GRAMD1A: variants seen among roughly 807,000 people sequenced by gnomAD.
The protein encoded by GRAMD1A is GRAM domain containing 1A.
GRAMD1A carries 50 observed loss-of-function variants against 92.0 expected under a neutral mutation model. The ratio of observed to expected loss-of-function variants is 0.54; its 90% CI spans 0.43 to 0.69. GRAMD1A has a LOEUF of 0.69. Among genes scored for constraint, GRAMD1A ranks in the 30% least tolerant of loss-of-function variants. The pLI, the probability that GRAMD1A is intolerant of heterozygous loss-of-function variation, is 0.00. For missense variants in GRAMD1A, 819 were observed against 978.9 expected, an observed-to-expected ratio of 0.84 and a Z score of 2.18; for synonymous variants, 405 against 403.6, an observed-to-expected ratio of 1.00 and a Z score of -0.04.
At chr19:35,020,218 C>A (rs556462077) in intron 13 of GRAMD1A, among the ~76,000 whole-genome samples, 1 of 152,072 alleles carries the variant, frequency 6.6e-6, no homozygotes, top group Admixed American at 6.6e-5. Context: ...GTACGGAAGC[C>A]CTGTCTCTAC....
At position 35,019,295 on chromosome 19, in the gene GRAMD1A, G is replaced by A. The variant is rs1298168550; in HGVS notation, c.1318G>A (p.Val440Met). Residue 440 changes from valine to methionine, a missense_variant, in exon 12 of 20, where the codon GTG becomes ATG. Transcript: ENST00000317991. ...SNPLGPKSAS[V>M]VETQTLFRRG... ...CCCACTGGGCCCCAAGAGCGCCTCC[G>A]TGGTGGAGACACAGGTGGGCCAGGT... 2.5e-6 allele frequency: 4 copies of A among 1,613,156 alleles called. No homozygotes were observed. Among genetic ancestry groups the A allele is most frequent in the Non-Finnish European group, 2.5e-6 (3 of 1,179,418 alleles).
intron 1 of GRAMD1A, among the ~76,000 whole-genome samples, chr19:35,001,605 T>C (rs1156481509): frequency 1.3e-5 from 2 of 151,794 alleles, no homozygotes; most frequent in Non-Finnish European, 1.5e-5. Flanking sequence ...TGAAACGCTC[T>C]TCTTTTTTTT....
At chr19:34,997,443 C>T (rs1047693543), upstream of GRAMD1A, among the ~76,000 whole-genome samples, 5 of 129,792 alleles carry the variant, frequency 3.9e-5, no homozygotes, top group African/African-American at 1.4e-4. Context: ...AAAGTTTAAA[C>T]AAAACTTCTG....
intron 11 of GRAMD1A, among the ~76,000 whole-genome samples, chr19:35,017,103 A>T (rs1441481293): frequency 1.3e-5 from 2 of 151,686 alleles, no homozygotes; most frequent in African/African-American, 4.8e-5. Context: ...TGAACCCAGG[A>T]GGTGGAGGTT....
intron 7 of GRAMD1A, chr19:35,012,962 C>CAG: frequency 2.9e-6 from 1 of 346,468 alleles, no homozygotes; most frequent in South Asian, 4.0e-5. Flanking sequence ...GCGACAGAGC[C>CAG]AGACTCCATC....
In GRAMD1A at chr19:35,014,273, A is replaced by C. The variant is rs1242652835; in HGVS notation, c.955A>C (p.Ser319Arg). The change falls in exon 10 of 20, where the codon AGC becomes CGC. Residue 319 changes from serine to arginine, a missense_variant. This residue lies in a region of GRAMD1A where 577 missense variants were observed against 674.6 expected (regional missense o/e 0.86). Coordinates refer to ENST00000317991, the MANE Select transcript of GRAMD1A (RefSeq NM_020895.5). ...AGTGACCCCGGTGGCTGAACCCCCG[A>C]GCACAGAGCCCACCCAGCCTGACGG... Reference protein sequence around the residue: ...QTVTPVAEPPSTEPTQPDGPT... With the variant: ...QTVTPVAEPPRTEPTQPDGPT... 6.2e-7 allele frequency: 1 copy of C among 1,613,976 alleles called. No homozygotes were observed. The highest frequency in any genetic ancestry group is 8.5e-7 in the Non-Finnish European group (1 of 1,179,968).
intron 1 of GRAMD1A, chr19:35,005,768 A>G: frequency 2.3e-6 from 1 of 429,146 alleles, no homozygotes; most frequent in South Asian, 1.7e-5. Context: ...AAGGACTTGG[A>G]CCTGTCATCA....
chr19:35,008,931 T>C (rs576042302), intron 1 of GRAMD1A, among the ~76,000 whole-genome samples, 188 bp from the exon 2 acceptor site: 1 of 152,328 alleles, frequency 6.6e-6, no homozygotes, highest in Admixed American at 6.5e-5. Flanking sequence ...GGATTACTGA[T>C]GAAGTAACCG....
chr19:35,003,143 C>CGTGTGTGT (rs60437273), intron 1 of GRAMD1A, among the ~76,000 whole-genome samples: 35 of 141,174 alleles, frequency 2.5e-4, no homozygotes, highest in East Asian at 8.2e-4. Context: ...TTGCTCTGTG[C>CGTGTGTGT]GTGTGTGTGT....
At position 35,026,136 on chromosome 19, in the gene GRAMD1A, T is replaced by G. The variant is rs1054899105; in HGVS notation, c.2170T>G (p.Ser724Ala). The G allele has an allele frequency of 6.5e-7, 1 of 1,537,888 alleles. No individual in the cohort carries two copies. Among genetic ancestry groups the G allele is most frequent in the African/African-American group, 1.4e-5 (1 of 73,486 alleles). Residue 724 changes from serine (S) to alanine (A), a missense_variant, in exon 20 of 20, where the codon TCC becomes GCC. Transcript: ENST00000317991. ...DTQPRPDDSF[S>A] ...CCAGCCCCGGCCCGATGACAGCTTT[T>G]CCTGAGGACCCCGGCCACGCAGCTG...
At chr19:35,004,765 G>A (rs534178106) in intron 1 of GRAMD1A, among the ~76,000 whole-genome samples, 1 of 152,288 alleles carries the variant, frequency 6.6e-6, no homozygotes, top group South Asian at 2.1e-4. Context: ...CAGCCGCGCT[G>A]TACACTCCAT....
At position 35,000,584 on chromosome 19, in the gene GRAMD1A, C is replaced by T; in HGVS notation, c.8+98C>T. On this transcript the variant is annotated intron_variant, in intron 1 of 19. Coordinates refer to ENST00000317991, the MANE Select transcript of GRAMD1A (RefSeq NM_020895.5). This position sits in a 1 kb window ranked among gnomAD's most constrained non-coding sequence, Gnocchi z 4.9. ...GCTTGGGGAGGGGGCGGAGCGGCCG[C>T]TGCAGAGGTCGGGGGCCTCTGCACA... 1 of 794,528 alleles carries T rather than the reference C, an allele frequency of 1.3e-6. No individual in the cohort carries two copies. The highest frequency in any genetic ancestry group is 5.6e-5 in the Admixed American group (1 of 17,824). The allele number at this position is 794,528 out of a possible 1,614,324, so 49.2% of individuals were successfully genotyped here.
Position 35,023,565 on chromosome 19 carries a change from G to C in GRAMD1A, c.2082+18G>C. On this transcript the variant is annotated intron_variant, in intron 19 of 19. Transcript: ENST00000317991. ...TGGATGAGGTAGGAGGCGCCGCTCG[G>C]GCAGGGCTCGGGGCTGCGGGGCTGC... The C allele has an allele frequency of 6.4e-7, 1 of 1,560,420 alleles. No homozygotes were observed.
upstream of GRAMD1A, among the ~76,000 whole-genome samples, chr19:34,995,570 GGTTTTTTT>G (rs1487013062): frequency 2.7e-4 from 22 of 80,954 alleles, no homozygotes; most frequent in African/African-American, 8.2e-4. Flanking sequence ...TCAGATCACG[GGTTTTTTT>G]TTTTTTTTTT....
Position 35,023,276 on chromosome 19 carries a change from C to A in GRAMD1A, c.1894C>A (p.Arg632Ser). 6.2e-7 allele frequency: 1 copy of A among 1,614,154 alleles called. No homozygotes were observed. The change falls in exon 18 of 20, where the codon CGC (arginine) becomes AGC (serine). Residue 632 changes from arginine to serine, a missense_variant. Physicochemically the swap from Arg to Ser is moderately radical, Grantham distance 110 (BLOSUM62 -1). This residue lies in a region of GRAMD1A where 577 missense variants were observed against 674.6 expected (regional missense o/e 0.86). Transcript: ENST00000317991. ...LIALNVLLFYRLWSLERTAHT... is the reference protein window; with the variant it reads ...LIALNVLLFYSLWSLERTAHT... ...CGCCCTCAACGTCCTGCTCTTCTAC[C>A]GCCTCTGGTCCCTGGAAAGGACAGC...
At position 35,026,042 on chromosome 19, in the gene GRAMD1A, C is replaced by G. The variant is rs2016412248; in HGVS notation, c.2083-7C>G. On this transcript the variant is annotated splice_region_variant and splice_polypyrimidine_tract_variant and intron_variant, in intron 19 of 19. Coordinates refer to ENST00000317991, the MANE Select transcript of GRAMD1A (RefSeq NM_020895.5). ...CACCCCCGACCCTGCTCACCTCCTC[C>G]CCGCAGATGAAGTTCTCGCTGGAGA... is the stretch of plus-strand genomic sequence containing the variant. 4 of 1,521,764 alleles carry G rather than the reference C, an allele frequency of 2.6e-6. No homozygotes were observed. Among genetic ancestry groups the G allele is most frequent in the Non-Finnish European group, 3.6e-6 (4 of 1,096,086 alleles). The allele number at this position is 1,521,764 out of a possible 1,614,324, so 94.3% of individuals were successfully genotyped here.
intron 1 of GRAMD1A, among the ~76,000 whole-genome samples, chr19:35,005,311 A>AC (rs2014724019): frequency 1.4e-5 from 2 of 138,014 alleles, no homozygotes; most frequent in Admixed American, 1.5e-4. Context: ...GGGGATCGGG[A>AC]GGCGGGGTAG....
chr19:35,005,975 C>G, intron 1 of GRAMD1A: 1 of 456,198 alleles, frequency 2.2e-6, no homozygotes, highest in South Asian at 1.5e-5. Context: ...TGGAGGGAAT[C>G]CCACCTGCAC....
chr19:35,022,767 C>T, intron 16 of GRAMD1A, 133 bp from the exon 17 acceptor site: 3 of 698,452 alleles, frequency 4.3e-6, no homozygotes, highest in South Asian at 2.1e-5. Context: ...TGAGCCTCAG[C>T]TCTCAGCTCT....
Sources: gnomAD v4.1 joint callset for allele counts (sites outside exome capture counted in the v4.1 genomes callset) on GRCh38, gnomAD v4.1.1 for gene constraint, gnomAD v4.1.1 regional missense constraint, Gnocchi (gnomAD v3.1) non-coding constraint, MANE v1.5 for transcripts, NCBI Gene and HGNC (gene_info 2026-07-23, HGNC 2026-07-21) for gene names.